Variants in MTUS1 observed in about 807,000 individuals in gnomAD.
MTUS1 encodes the protein microtubule associated scaffold protein 1.
Under a neutral mutation model 120.8 loss-of-function variants are expected in MTUS1, and 109 were observed. That is an observed-to-expected ratio of 0.90 (90% CI 0.77 to 1.06). The LOEUF is 1.06. Ranked by LOEUF, MTUS1 falls within the 50% of genes least tolerant of loss-of-function variation. MTUS1 has a pLI of 0.00. For missense variants in MTUS1, 2,210 were observed against 1,486.3 expected, an observed-to-expected ratio of 1.49 and a Z score of -8.01; for synonymous variants, 737 against 550.5, an observed-to-expected ratio of 1.34 and a Z score of -4.74.
chr8:17,772,984 T>C (rs1181075325), intron 1 of MTUS1, among the ~76,000 whole-genome samples: 2 of 152,228 alleles, frequency 1.3e-5, no homozygotes, highest in East Asian at 3.8e-4. Context: ...GAAAAACTAC[T>C]ATGAACTAAA....
chr8:17,726,299 C>G (rs2046227260), intron 3 of MTUS1, among the ~76,000 whole-genome samples: 1 of 152,192 alleles, frequency 6.6e-6, no homozygotes, highest in African/African-American at 2.4e-5. Flanking sequence ...TGAGCTTATC[C>G]TGCCAGGACA....
rs1477883868 is a variant in MTUS1 at position 17,715,875 on chromosome 8, C to T, written c.2476G>A (p.Glu826Lys). ...NSGNAAVIKY[E>K]EKPPKPAFQN... Reference sequence around the variant, plus strand: ...AATGCTGGTTTTGGAGGTTTCTCCTCATATTTGATGACAGCGGCATTACCA... The same window carrying T: ...AATGCTGGTTTTGGAGGTTTCTCCTTATATTTGATGACAGCGGCATTACCA... The change falls in exon 5 of 15, where the codon GAG becomes AAG. Residue 826 changes from glutamate to lysine, a missense_variant. By Grantham distance (56) the Glu-to-Lys change is moderately conservative. Coordinates refer to ENST00000693296, the MANE Select transcript of MTUS1 (RefSeq NM_001363059.2). 6.2e-7 allele frequency: 1 copy of T among 1,613,378 alleles called. No individual in the cohort carries two copies. The highest frequency in any genetic ancestry group is 1.7e-5 in the Admixed American group (1 of 59,792).
intron 8 of MTUS1, among the ~76,000 whole-genome samples, chr8:17,672,092 G>C (rs965573202): frequency 6.6e-6 from 1 of 152,160 alleles, no homozygotes; most frequent in Non-Finnish European, 1.5e-5. Flanking sequence ...AGAATACTCT[G>C]ATGAGGTCTC....
intron 1 of MTUS1, among the ~76,000 whole-genome samples, chr8:17,784,894 C>T (rs533536166): frequency 8.4e-4 from 127 of 152,006 alleles, no homozygotes; most frequent in African/African-American, 3.0e-3. Context: ...AAGTGATTCT[C>T]GGGCCTCAGC....
Position 17,755,383 on chromosome 8 carries a change from G to C in MTUS1, c.425C>G (p.Pro142Arg), listed in dbSNP as rs750244204. ...VEPSLPFVWK[P>R]NDNLNCAGYC... ...GCCTGCACAGTTCAAATTGTCATTA[G>C]GCTTCCACACAAAAGGCAAAGATGG... The change falls in exon 2 of 15, where the codon CCT becomes CGT. Residue 142 changes from proline to arginine, a missense_variant. Transcript: ENST00000693296. 9 of 1,614,142 alleles carry C rather than the reference G, an allele frequency of 5.6e-6. No homozygotes were observed. The highest frequency in any genetic ancestry group is 7.6e-6 in the Non-Finnish European group (9 of 1,180,008).
intron 4 of MTUS1, among the ~76,000 whole-genome samples, chr8:17,719,511 GATA>G (rs1368210079): frequency 2.0e-5 from 3 of 152,214 alleles, no homozygotes; most frequent in South Asian, 2.1e-4. Context: ...CAGTGGTCTG[GATA>G]ATATTTCCTT....
intron 6 of MTUS1, among the ~76,000 whole-genome samples, chr8:17,696,454 G>A (rs373268281): frequency 1.4e-4 from 22 of 152,148 alleles, no homozygotes; most frequent in African/African-American, 5.1e-4. Flanking sequence ...GACACCTAAC[G>A]CTATTCAGCC....
intron 6 of MTUS1, among the ~76,000 whole-genome samples, chr8:17,699,426 G>A (rs1413240441): frequency 6.6e-6 from 1 of 152,094 alleles, no homozygotes; most frequent in East Asian, 1.9e-4. Flanking sequence ...TGTTGGCCAG[G>A]CTCGTCTCGA....
intron 6 of MTUS1, among the ~76,000 whole-genome samples, chr8:17,703,743 C>CGGTT (rs1554495390): frequency 6.6e-6 from 1 of 151,994 alleles, no homozygotes; most frequent in Non-Finnish European, 1.5e-5. Context: ...GAGGTCAGAC[C>CGGTT]GGTTCTCTGC....
chr8:17,753,316 C>G (rs964079641), intron 2 of MTUS1, among the ~76,000 whole-genome samples: 9 of 152,142 alleles, frequency 5.9e-5, no homozygotes, highest in African/African-American at 2.2e-4. Flanking sequence ...GACATGTTTA[C>G]CAGCACTCCC....
chr8:17,651,180 C>T (rs986665438), intron 12 of MTUS1, among the ~76,000 whole-genome samples: 3 of 145,024 alleles, frequency 2.1e-5, no homozygotes, highest in Admixed American at 1.4e-4. Flanking sequence ...GAGAGGTATG[C>T]GTGTGTATGG....
intron 5 of MTUS1, among the ~76,000 whole-genome samples, chr8:17,713,913 T>C (rs1193053286): frequency 1.3e-5 from 2 of 152,204 alleles, no homozygotes; most frequent in Admixed American, 6.5e-5. Context: ...TGGAAAGCAC[T>C]GATTCCCACA....
chr8:17,740,209 A>G (rs1338154913), intron 3 of MTUS1, among the ~76,000 whole-genome samples: 10 of 103,714 alleles, frequency 9.6e-5, no homozygotes, highest in Non-Finnish European at 1.6e-4. Context: ...CTCCGTCTCA[A>G]AAAAAAAAAA....
At chr8:17,700,465 C>A (rs1818835201) in intron 6 of MTUS1, among the ~76,000 whole-genome samples, 2 of 22,224 alleles carry the variant, frequency 9.0e-5, no homozygotes, top group East Asian at 5.4e-4. Flanking sequence ...AGCAAAACTC[C>A]TCAAAAAAAA....
chr8:17,701,592 G>C (rs893650451), intron 6 of MTUS1, among the ~76,000 whole-genome samples: 1 of 152,096 alleles, frequency 6.6e-6, no homozygotes, highest in African/African-American at 2.4e-5. Context: ...CTGTCGCCAA[G>C]GCTGGAGTGC....
intron 7 of MTUS1, among the ~76,000 whole-genome samples, chr8:17,680,749 G>C (rs1015468975): frequency 8.5e-5 from 13 of 152,098 alleles, no homozygotes; most frequent in Admixed American, 8.5e-4. Flanking sequence ...GGTTGCATGA[G>C]GGAAAAGTAT....
Position 17,773,207 on chromosome 8 carries a change from A to T in MTUS1, c.-154-17246T>A, listed in dbSNP as rs2050143429. The stretch of plus-strand genomic sequence containing the variant: ...CCCAAGGAAAATAAAAGACTGTATT[A>T]AACATCACTGCAAATCAATGTCTCT... On this transcript the variant is annotated intron_variant, in intron 1 of 14. Transcript: ENST00000693296. Among the ~76,000 whole-genome samples the T allele has an allele frequency of 2.0e-5, 3 of 152,258 alleles. No homozygotes were observed. In the South Asian group the frequency reaches 6.2e-4, roughly 31 times the overall value.
chr8:17,683,466 T>A (rs1815058561), intron 7 of MTUS1, among the ~76,000 whole-genome samples: 1 of 152,190 alleles, frequency 6.6e-6, no homozygotes, highest in Admixed American at 6.5e-5. Flanking sequence ...AGTTTTCTTT[T>A]TGCTTTTAAT....
chr8:17,775,828 G>A lies in MTUS1; in HGVS notation c.-154-19867C>T, dbSNP rs6586648. On this transcript the variant is annotated intron_variant, in intron 1 of 14. Coordinates refer to ENST00000693296, the MANE Select transcript of MTUS1 (RefSeq NM_001363059.2). Reference sequence around the variant, plus strand: ...GGCCAACCTGGGTTACCCCAGTGGGGGCCTAAAAATAAAAGTGACAAGACA... The same window carrying A: ...GGCCAACCTGGGTTACCCCAGTGGGAGCCTAAAAATAAAAGTGACAAGACA... Among the ~76,000 whole-genome samples the A allele has an allele frequency of 3.9e-5, 6 of 152,316 alleles. No homozygotes were observed. In the East Asian group the frequency reaches 1.2e-3, roughly 29 times the overall value.
Sources: gnomAD v4.1 joint callset for allele counts (sites outside exome capture counted in the v4.1 genomes callset) on GRCh38, gnomAD v4.1.1 for gene constraint, MANE v1.5 for transcripts, NCBI Gene and HGNC (gene_info 2026-07-23, HGNC 2026-07-21) for gene names.